SCHIP1: variants seen among roughly 807,000 people sequenced by gnomAD.
SCHIP1 encodes schwannomin-interacting protein 1.
A neutral mutation model predicts 29.7 loss-of-function variants in SCHIP1; 8 were observed. That is an observed-to-expected ratio of 0.27 (90% CI 0.16 to 0.49). SCHIP1 has a LOEUF of 0.49. Among genes scored for constraint, SCHIP1 ranks in the 20% least tolerant of loss-of-function variants. SCHIP1 has a pLI of 0.99. For missense variants in SCHIP1, 193 were observed against 294.6 expected (o/e 0.66, Z 2.52); for synonymous variants, 76 against 94.9 (o/e 0.80, Z 1.16).
the SCHIP1 span, among the ~76,000 whole-genome samples, chr3:159,469,070 A>G: frequency 6.6e-6 from 1 of 151,964 alleles, no homozygotes; most frequent in Non-Finnish European, 1.5e-5. Flanking sequence ...CTGGCCAATC[A>G]CAAGTATTTT....
the SCHIP1 span, among the ~76,000 whole-genome samples, chr3:159,346,316 G>A: frequency 1.6e-4 from 22 of 138,262 alleles, no homozygotes; most frequent in African/African-American, 5.9e-4. Context: ...AACATTCAAT[G>A]AAAGATTTGG....
At chr3:159,656,774 A>G in the SCHIP1 span, among the ~76,000 whole-genome samples, 1 of 152,176 alleles carries the variant, frequency 6.6e-6, no homozygotes, top group African/African-American at 2.4e-5. Flanking sequence ...GGTTTTATAT[A>G]TAAGGTACTT....
chr3:159,700,416 G>C, the SCHIP1 span, among the ~76,000 whole-genome samples: 2 of 152,100 alleles, frequency 1.3e-5, no homozygotes, highest in African/African-American at 4.8e-5. Flanking sequence ...ATCAATAGTT[G>C]GTGTAATAAT....
intron 2 of SCHIP1, among the ~76,000 whole-genome samples, chr3:159,879,777 A>T (rs1323427997): frequency 6.6e-6 from 1 of 152,220 alleles, no homozygotes; most frequent in African/African-American, 2.4e-5. Context: ...TAGAACCAAC[A>T]GCCGTCTGAG....
At chr3:159,400,325 G>A in the SCHIP1 span, among the ~76,000 whole-genome samples, 1 of 152,196 alleles carries the variant, frequency 6.6e-6, no homozygotes, top group South Asian at 2.1e-4. Flanking sequence ...ATGATAATTG[G>A]TTGAGAGACA....
the SCHIP1 span, among the ~76,000 whole-genome samples, chr3:159,441,981 G>C: frequency 6.6e-6 from 1 of 151,982 alleles, no homozygotes; most frequent in East Asian, 1.9e-4. Flanking sequence ...ATAAGCAGGA[G>C]GGAAAAACTT....
chr3:159,723,213 T>C, the SCHIP1 span, among the ~76,000 whole-genome samples: 4 of 152,232 alleles, frequency 2.6e-5, no homozygotes, highest in African/African-American at 9.6e-5. Flanking sequence ...AAAATACTTA[T>C]ACATGTTAAC....
At chr3:159,773,486 C>A in the SCHIP1 span, among the ~76,000 whole-genome samples, 4 of 152,088 alleles carry the variant, frequency 2.6e-5, no homozygotes, top group Admixed American at 1.3e-4. Flanking sequence ...CCTGTGCCCC[C>A]ACTTCAGTGC....
At chr3:159,748,793 A>G in the SCHIP1 span, among the ~76,000 whole-genome samples, 1 of 152,238 alleles carries the variant, frequency 6.6e-6, no homozygotes. Flanking sequence ...TTCTCCAAGA[A>G]GTAAAGAAGG....
At chr3:159,429,043 T>G in the SCHIP1 span, among the ~76,000 whole-genome samples, 3 of 117,694 alleles carry the variant, frequency 2.5e-5, no homozygotes, top group Admixed American at 8.9e-5. Context: ...CTGGGGACTG[T>G]TGTGGGGTTG....
At chr3:159,784,462 G>A in the SCHIP1 span, among the ~76,000 whole-genome samples, 5 of 151,994 alleles carry the variant, frequency 3.3e-5, no homozygotes, top group African/African-American at 1.2e-4. Flanking sequence ...TTGTTTAAAT[G>A]GTAAAAACAT....
At chr3:159,469,437 C>T in the SCHIP1 span, among the ~76,000 whole-genome samples, 1 of 152,120 alleles carries the variant, frequency 6.6e-6, no homozygotes, top group East Asian at 1.9e-4. Context: ...ATTCTCTGAG[C>T]TTCCATTTCA....
At chr3:159,364,633 G>C in the SCHIP1 span, among the ~76,000 whole-genome samples, 1 of 152,194 alleles carries the variant, frequency 6.6e-6, no homozygotes, top group Non-Finnish European at 1.5e-5. Context: ...CAGAGATTTA[G>C]AAATGCTTTG....
At chr3:159,700,335 C>A in the SCHIP1 span, among the ~76,000 whole-genome samples, 6 of 152,010 alleles carry the variant, frequency 3.9e-5, no homozygotes, top group African/African-American at 1.5e-4. Context: ...GTTTCTCCAG[C>A]AAATTAATGG....
chr3:159,666,783 G>A, the SCHIP1 span, among the ~76,000 whole-genome samples: 1 of 152,210 alleles, frequency 6.6e-6, no homozygotes, highest in Non-Finnish European at 1.5e-5. Context: ...TCATCATGAA[G>A]CTAATGTACT....
At chr3:159,622,011 C>T in the SCHIP1 span, among the ~76,000 whole-genome samples, 2 of 152,160 alleles carry the variant, frequency 1.3e-5, no homozygotes, top group African/African-American at 4.8e-5. Context: ...GCCACAAGGC[C>T]CCTGGCAAAA....
At chr3:159,434,950 G>A in the SCHIP1 span, among the ~76,000 whole-genome samples, 2 of 152,118 alleles carry the variant, frequency 1.3e-5, no homozygotes, top group Non-Finnish European at 2.9e-5. Flanking sequence ...TGGTCCTTGA[G>A]GGTCCATTCA....
chr3:159,356,418 T>C, the SCHIP1 span, among the ~76,000 whole-genome samples: 1 of 152,122 alleles, frequency 6.6e-6, no homozygotes. Context: ...CGGGCTTTGA[T>C]GGGGATTTTT....
chr3:159,890,323 A>T (rs1717383549), intron 5 of SCHIP1, among the ~76,000 whole-genome samples: 1 of 152,140 alleles, frequency 6.6e-6, no homozygotes, highest in African/African-American at 2.4e-5. Flanking sequence ...CAGTTTGAAA[A>T]TTTTCCATAA....
Sources: allele counts gnomAD v4.1 joint callset (sites outside exome capture counted in the v4.1 genomes callset), GRCh38; gene constraint gnomAD v4.1.1; transcripts MANE v1.5; gene names NCBI Gene and HGNC (gene_info 2026-07-23, HGNC 2026-07-21).